The following SRRM4 variants were observed in gnomAD, a reference collection of about 807,000 sequenced individuals.
SRRM4 encodes the protein serine/arginine repetitive matrix protein 4.
A neutral mutation model predicts 68.9 loss-of-function variants in SRRM4; 33 were observed. That is an observed-to-expected ratio of 0.48 (90% CI 0.36 to 0.64). SRRM4 has a LOEUF of 0.64. SRRM4 is among the 30% of genes least tolerant of loss of function. The pLI is 0.00. For missense variants in SRRM4, 817 were observed against 827.1 expected, an observed-to-expected ratio of 0.99 and a Z score of 0.15; for synonymous variants, 318 against 318.8, an observed-to-expected ratio of 1.00 and a Z score of 0.03.
chr12:119,030,609 T>G (rs1302028064), intron 1 of SRRM4, among the ~76,000 whole-genome samples: 2 of 152,244 alleles, frequency 1.3e-5, no homozygotes, highest in Non-Finnish European at 2.9e-5. Context: ...ATATCTGCAG[T>G]CTTTTTCTCT....
chr12:119,061,589 G>A (rs752081915), intron 1 of SRRM4, among the ~76,000 whole-genome samples: 6 of 152,152 alleles, frequency 3.9e-5, no homozygotes, highest in Non-Finnish European at 8.8e-5. Context: ...ATTTTATAAT[G>A]TGGTCAATCT....
At chr12:119,083,396 A>G (rs1375620534) in intron 1 of SRRM4, among the ~76,000 whole-genome samples, 1 of 152,064 alleles carries the variant, frequency 6.6e-6, no homozygotes, top group Admixed American at 6.5e-5. Flanking sequence ...CAAGGCAAGA[A>G]TTACTGTCTC....
intron 10 of SRRM4, among the ~76,000 whole-genome samples, chr12:119,153,184 T>C (rs1954449828): frequency 6.6e-6 from 1 of 152,192 alleles, no homozygotes; most frequent in South Asian, 2.1e-4. Flanking sequence ...TAGGTGCCAA[T>C]ATGCTATGTG....
At chr12:119,003,621 A>C (rs868167079) in intron 1 of SRRM4, among the ~76,000 whole-genome samples, 1 of 152,074 alleles carries the variant, frequency 6.6e-6, no homozygotes, top group Middle Eastern at 3.4e-3. Flanking sequence ...TACCACACCC[A>C]GATCAGCTTC....
At chr12:119,041,763 C>G (rs1040746034) in intron 1 of SRRM4, among the ~76,000 whole-genome samples, 7 of 152,146 alleles carry the variant, frequency 4.6e-5, no homozygotes, top group African/African-American at 1.4e-4. Context: ...TGTTGAGACT[C>G]CTATTTTTAG....
chr12:119,050,053 T>C (rs929526979), intron 1 of SRRM4, among the ~76,000 whole-genome samples: 2 of 152,206 alleles, frequency 1.3e-5, no homozygotes, highest in Non-Finnish European at 2.9e-5. Context: ...ATTATTATTG[T>C]CATTATTGTC....
intron 1 of SRRM4, among the ~76,000 whole-genome samples, chr12:119,012,627 G>T (rs181111476): frequency 6.6e-6 from 1 of 152,004 alleles, no homozygotes; most frequent in Non-Finnish European, 1.5e-5. Context: ...ACTGAGTCCC[G>T]CTCTCTTTCT....
intron 1 of SRRM4, among the ~76,000 whole-genome samples, chr12:119,057,419 C>A (rs957577255): frequency 5.2e-4 from 79 of 152,280 alleles, no homozygotes; most frequent in African/African-American, 1.8e-3. Context: ...TCATTCAGCT[C>A]CCACTTAGAA....
intron 1 of SRRM4, among the ~76,000 whole-genome samples, chr12:119,077,693 C>G (rs1210009483): frequency 1.3e-5 from 2 of 152,110 alleles, no homozygotes; most frequent in Non-Finnish European, 2.9e-5. Context: ...AACTTTAATT[C>G]AAGGGTTATG....
rs1038363481 is a variant in SRRM4, at chr12:118,981,948, G to A, written c.66G>A (p.Ala22=). The A allele has an allele frequency of 1.2e-6, 2 of 1,612,860 alleles. No individual in the cohort carries two copies. The highest frequency in any genetic ancestry group is 8.5e-7 in the Non-Finnish European group (1 of 1,179,540). The part of the protein sequence containing the change: ...FEKFWRGTFK[A]VATPRPESII... ...AGTTCTGGCGAGGAACCTTCAAAGC[G>A]GTGGCCACCCCCCGTCCCGAGAGCA... Residue 22 remains alanine (A), a synonymous_variant, in exon 1 of 13, where the codon GCG becomes GCA. Coordinates refer to ENST00000267260, the MANE Select transcript of SRRM4 (RefSeq NM_194286.4).
chr12:119,121,706 G>T (rs1018763475), intron 5 of SRRM4, among the ~76,000 whole-genome samples: 1 of 152,306 alleles, frequency 6.6e-6, no homozygotes, highest in East Asian at 1.9e-4. Flanking sequence ...CCACCCATAG[G>T]TTGTGGAGAG....
chr12:119,052,587 A>G (rs1002879738), intron 1 of SRRM4, among the ~76,000 whole-genome samples: 3 of 152,034 alleles, frequency 2.0e-5, no homozygotes, highest in African/African-American at 7.2e-5. Flanking sequence ...GGAGTGTAGT[A>G]GCGCGATCTC....
chr12:119,114,666 T>C (rs1954166645), intron 3 of SRRM4, among the ~76,000 whole-genome samples: 1 of 136,768 alleles, frequency 7.3e-6, no homozygotes, highest in Non-Finnish European at 1.6e-5. Flanking sequence ...TAGTCTTTTT[T>C]TTTTTTTTTT....
At chr12:119,100,353 G>A (rs929420525) in intron 1 of SRRM4, among the ~76,000 whole-genome samples, 3 of 112,928 alleles carry the variant, frequency 2.7e-5, no homozygotes, top group Non-Finnish European at 3.9e-5. Flanking sequence ...ATCTGGGTGT[G>A]GTGGTGTGTA....
intron 2 of SRRM4, among the ~76,000 whole-genome samples, chr12:119,103,250 C>A (rs1413633883): frequency 2.0e-5 from 3 of 151,826 alleles, no homozygotes; most frequent in Non-Finnish European, 4.4e-5. Flanking sequence ...ATTTTTATTT[C>A]ATTATTATTT....
At chr12:119,151,300 G>C in intron 10 of SRRM4, 80 bp downstream of exon 10, 1 of 1,336,352 alleles carries the variant, frequency 7.5e-7, no homozygotes, top group Non-Finnish European at 1.1e-6. Context: ...TTTGACCCAT[G>C]GGGGAGAGAA....
In SRRM4 at chr12:119,093,209, A is replaced by G. The variant is rs189770072; in HGVS notation, c.132-9027A>G. Among the ~76,000 whole-genome samples the G allele has an allele frequency of 3.9e-5, 6 of 151,992 alleles. No individual in the cohort carries two copies. The East Asian group carries it at 5.8e-4, about 15-fold the overall frequency. The stretch of plus-strand genomic sequence containing the variant: ...TATGTTTATTTTCTGCTCTCTTCCT[A>G]CCTCCACCCATTGCAGTACAATGTG... On this transcript the variant is annotated intron_variant, in intron 1 of 12. Transcript: ENST00000267260.
chr12:119,049,820 T>A (rs2136016225), intron 1 of SRRM4, among the ~76,000 whole-genome samples: 1 of 152,312 alleles, frequency 6.6e-6, no homozygotes, highest in African/African-American at 2.4e-5. Flanking sequence ...TACATCATCT[T>A]CTTTTTATAC....
At chr12:119,140,377 C>CAAAA (rs368797079) in intron 8 of SRRM4, among the ~76,000 whole-genome samples, 6,665 of 141,060 alleles carry the variant, frequency 0.047, 377 homozygotes, top group African/African-American at 0.13. Context: ...GACTCTGTCT[C>CAAAA]AAAAAAAAAA....
Sources: allele counts gnomAD v4.1 joint callset (sites outside exome capture counted in the v4.1 genomes callset), GRCh38; gene constraint gnomAD v4.1.1; transcripts MANE v1.5; gene names NCBI Gene and HGNC (gene_info 2026-07-23, HGNC 2026-07-21).